Variants in STIM2 observed in about 807,000 individuals in gnomAD.
The protein encoded by STIM2 is stromal interaction molecule 2.
Under a neutral mutation model 85.8 loss-of-function variants are expected in STIM2, and 31 were observed. That is an observed-to-expected ratio of 0.36 (90% CI 0.27 to 0.49). The LOEUF (loss-of-function observed/expected upper bound fraction) is 0.49. Ranked by LOEUF, STIM2 falls within the 20% of genes least tolerant of loss-of-function variation. STIM2 has a pLI of 0.98. For missense variants in STIM2, 841 were observed against 927.6 expected, an observed-to-expected ratio of 0.91 and a Z score of 1.21; for synonymous variants, 356 against 331.1, an observed-to-expected ratio of 1.08 and a Z score of -0.82.
intron 3 of STIM2, among the ~76,000 whole-genome samples, chr4:26,967,259 CAA>C (rs1189308801): frequency 1.3e-5 from 2 of 152,032 alleles, no homozygotes; most frequent in Admixed American, 1.3e-4. Flanking sequence ...TAAAAGCAAA[CAA>C]AGAGATTTGT....
intron 1 of STIM2, among the ~76,000 whole-genome samples, chr4:26,912,495 A>G (rs766861402): frequency 2.0e-5 from 3 of 152,210 alleles, no homozygotes; most frequent in Non-Finnish European, 2.9e-5. Context: ...ATGACAAAGT[A>G]TAGAATATGC....
chr4:27,003,461 A>C (rs530182290), intron 7 of STIM2, among the ~76,000 whole-genome samples: 1 of 152,336 alleles, frequency 6.6e-6, no homozygotes, highest in Non-Finnish European at 1.5e-5. Flanking sequence ...GCAAAGGTAA[A>C]GGATCTCTAT....
chr4:26,913,215 A>G (rs11727649), intron 1 of STIM2, among the ~76,000 whole-genome samples: 27,886 of 152,126 alleles, frequency 0.18, 2,823 homozygotes, highest in Admixed American at 0.25. Flanking sequence ...CAGGCAAAGT[A>G]TGTATTAGAT....
intron 2 of STIM2, among the ~76,000 whole-genome samples, chr4:26,920,454 C>A (rs1173169090): frequency 6.6e-6 from 1 of 152,188 alleles, no homozygotes; most frequent in Non-Finnish European, 1.5e-5. Flanking sequence ...AAGTTGGCTT[C>A]TTTGAGTGTT....
chr4:26,965,580 C>G (rs569783801), intron 3 of STIM2, among the ~76,000 whole-genome samples: 1 of 152,206 alleles, frequency 6.6e-6, no homozygotes, highest in South Asian at 2.1e-4. Context: ...CTATTCCCTT[C>G]ACTTCAAATC....
At chr4:27,021,064 A>C (rs1008227872) in intron 11 of STIM2, 1 of 1,536,570 alleles carries the variant, frequency 6.5e-7, no homozygotes, top group East Asian at 2.4e-5. Context: ...TCTCAAAAAA[A>C]AAAAGTGAGT....
rs137884333 is a variant in STIM2 at position 26,953,165 on chromosome 4, T to C, written c.283-4447T>C. 5.5e-3 allele frequency among the ~76,000 whole-genome samples: 845 copies of C among 152,258 alleles called. 6 individuals carry two copies. Among genetic ancestry groups the C allele is most frequent in the African/African-American group, 0.019 (802 of 41,546 alleles). ...GTGGTTTTCCGCTCCATCCCTGTTA[T>C]GTATTTTGTTTCAGGATATCTGAAA... On this transcript the variant is annotated intron_variant, in intron 2 of 11. Coordinates refer to ENST00000467087, the MANE Select transcript of STIM2 (RefSeq NM_020860.4).
chr4:26,947,008 T>C (rs1240219483), intron 2 of STIM2, among the ~76,000 whole-genome samples: 1 of 152,040 alleles, frequency 6.6e-6, no homozygotes, highest in Non-Finnish European at 1.5e-5. Flanking sequence ...ACAATAGGAG[T>C]TTAATATTTG....
chr4:26,879,114 C>G (rs1048141718), intron 1 of STIM2, among the ~76,000 whole-genome samples: 18 of 152,302 alleles, frequency 1.2e-4, no homozygotes, highest in African/African-American at 3.4e-4. Context: ...GACTCATCAG[C>G]CTGTAAGTAG....
intron 2 of STIM2, among the ~76,000 whole-genome samples, chr4:26,943,183 C>CTT (rs139530287): frequency 2.0e-5 from 3 of 151,604 alleles, no homozygotes; most frequent in East Asian, 3.9e-4. Flanking sequence ...TAATTCTATC[C>CTT]TTTTTTTTCA....
At chr4:26,891,588 CA>C (rs1353740773) in intron 1 of STIM2, among the ~76,000 whole-genome samples, 2 of 151,034 alleles carry the variant, frequency 1.3e-5, no homozygotes, top group Middle Eastern at 3.2e-3. Flanking sequence ...CACACACACA[CA>C]CACACACACC....
chr4:27,018,072 C>T, intron 11 of STIM2, 88 bp downstream of exon 11: 1 of 1,545,708 alleles, frequency 6.5e-7, no homozygotes, highest in Admixed American at 1.8e-5. Flanking sequence ...GTGCATGTTT[C>T]CATTTTCTGT....
At chr4:26,975,262 C>G (rs940741767) in intron 3 of STIM2, among the ~76,000 whole-genome samples, 1 of 152,210 alleles carries the variant, frequency 6.6e-6, no homozygotes, top group Non-Finnish European at 1.5e-5. Context: ...CAGTCATTCT[C>G]TGTCCTGCTT....
chr4:26,919,379 T>C, intron 1 of STIM2, 125 bp from the exon 2 acceptor site: 1 of 1,239,884 alleles, frequency 8.1e-7, no homozygotes, highest in Non-Finnish European at 1.1e-6. Flanking sequence ...GTTAGACGTT[T>C]TAAAGTCTCT....
chr4:26,960,974 G>A (rs1431462652), intron 3 of STIM2, among the ~76,000 whole-genome samples: 1 of 148,684 alleles, frequency 6.7e-6, no homozygotes, highest in African/African-American at 2.5e-5. Flanking sequence ...TTAGGCAGCA[G>A]AATCACTTGA....
chr4:26,999,289 T>C lies in STIM2; in HGVS notation c.567T>C (p.Ser189=). The C allele has an allele frequency of 6.2e-7, 1 of 1,609,262 alleles. No individual in the cohort carries two copies. Among genetic ancestry groups the C allele is most frequent in the Non-Finnish European group, 8.5e-7 (1 of 1,177,730 alleles). ...CCCAGTTGAAAATCAGTGACCGGAG[T>C]CACAGACAAAAACTTCAGCTCAAGG... is the stretch of plus-strand genomic sequence containing the variant. The change falls in exon 5 of 12, where the codon AGT becomes AGC. Residue 189 remains serine (S), a synonymous_variant. Transcript: ENST00000467087.
At chr4:26,927,526 G>C (rs1244172762) in intron 2 of STIM2, among the ~76,000 whole-genome samples, 12 of 57,908 alleles carry the variant, frequency 2.1e-4, no homozygotes, top group Admixed American at 1.4e-3. Flanking sequence ...TCTGGGGACT[G>C]TGGTGGGGTC....
chr4:26,911,255 T>A (rs1046687487), intron 1 of STIM2, among the ~76,000 whole-genome samples: 2 of 139,578 alleles, frequency 1.4e-5, no homozygotes, highest in African/African-American at 5.3e-5. Context: ...AATAAATAAA[T>A]AAAATGAAAT....
intron 5 of STIM2, among the ~76,000 whole-genome samples, chr4:27,001,665 A>G (rs931811489): frequency 2.0e-5 from 3 of 152,160 alleles, no homozygotes; most frequent in Non-Finnish European, 2.9e-5. Context: ...AGACAACCCA[A>G]AATTGTCAAA....
Sources: allele counts gnomAD v4.1 joint callset (sites outside exome capture counted in the v4.1 genomes callset), GRCh38; gene constraint gnomAD v4.1.1; transcripts MANE v1.5; gene names NCBI Gene and HGNC (gene_info 2026-07-23, HGNC 2026-07-21).